BEGAIN: variants seen among roughly 807,000 people sequenced by gnomAD.
The protein encoded by BEGAIN is brain enriched guanylate kinase associated.
BEGAIN carries 19 observed loss-of-function variants against 35.8 expected under a neutral mutation model. The ratio of observed to expected loss-of-function variants is 0.53; its 90% confidence interval spans 0.37 to 0.78. The LOEUF (loss-of-function observed/expected upper bound fraction) is 0.78. Ranked by LOEUF, BEGAIN falls within the 30% of genes least tolerant of loss-of-function variation. BEGAIN has a pLI of 0.00. For missense variants in BEGAIN, 795 were observed against 853.6 expected, an observed-to-expected ratio of 0.93 and a Z score of 0.85; for synonymous variants, 462 against 388.6, an observed-to-expected ratio of 1.19 and a Z score of -2.22.
intron 1 of BEGAIN, among the ~76,000 whole-genome samples, chr14:100,580,092 G>C (rs1430281542): frequency 6.6e-6 from 1 of 152,174 alleles, no homozygotes; most frequent in East Asian, 1.9e-4. Flanking sequence ...ATCACCTGAG[G>C]TCAGGAGTTC....
At chr14:100,585,543 G>A (rs899628445) in intron 1 of BEGAIN, among the ~76,000 whole-genome samples, 8 of 151,066 alleles carry the variant, frequency 5.3e-5, no homozygotes, top group African/African-American at 2.0e-4. Context: ...GAGATGATGC[G>A]TGGAAATGCT....
intron 3 of BEGAIN, among the ~76,000 whole-genome samples, chr14:100,545,808 C>T (rs1420646999): frequency 2.0e-5 from 3 of 152,170 alleles, no homozygotes; most frequent in African/African-American, 4.8e-5. Context: ...TGGGGCTGTT[C>T]GGAGAGGGAC....
At chr14:100,551,045 G>A (rs1362296042) in intron 2 of BEGAIN, among the ~76,000 whole-genome samples, 3 of 152,204 alleles carry the variant, frequency 2.0e-5, no homozygotes, top group African/African-American at 7.2e-5. Flanking sequence ...GGTTCCTGGC[G>A]TGCAGGATTG....
chr14:100,576,384 G>A (rs2139753386), intron 1 of BEGAIN, among the ~76,000 whole-genome samples: 1 of 152,284 alleles, frequency 6.6e-6, no homozygotes, highest in South Asian at 2.1e-4. Flanking sequence ...CATAATGATG[G>A]CGCCGACCTC....
At chr14:100,543,139 G>T (rs1378675848) in intron 5 of BEGAIN, among the ~76,000 whole-genome samples, 1 of 152,194 alleles carries the variant, frequency 6.6e-6, no homozygotes, top group Non-Finnish European at 1.5e-5. Flanking sequence ...TGGCACAGCA[G>T]CCCCTTCCAG....
intron 3 of BEGAIN, 162 bp downstream of exon 3, chr14:100,546,334 GCCCCA>G: frequency 2.1e-6 from 1 of 469,754 alleles, no homozygotes; most frequent in Non-Finnish European, 3.1e-6. Flanking sequence ...CTCGGGCCCT[GCCCCA>G]CCCCGGCCCT....
At chr14:100,574,548 G>A (rs1391967207) in intron 1 of BEGAIN, among the ~76,000 whole-genome samples, 1 of 135,822 alleles carries the variant, frequency 7.4e-6, no homozygotes, top group African/African-American at 2.7e-5. Context: ...TTAAACATTT[G>A]AGCCAACATT....
chr14:100,549,498 C>T (rs1298530380), intron 2 of BEGAIN: 1 of 152,468 alleles, frequency 6.6e-6, no homozygotes, highest in African/African-American at 2.4e-5. Context: ...CTTCTCACAC[C>T]TCTGAACGTG....
intron 2 of BEGAIN, among the ~76,000 whole-genome samples, chr14:100,565,539 T>G (rs2034616858): frequency 6.6e-6 from 1 of 151,942 alleles, no homozygotes; most frequent in Non-Finnish European, 1.5e-5. Context: ...CTGGGGGGTG[T>G]GGGAGAGGAG....
In BEGAIN at chr14:100,568,684, G is replaced by C. The variant is rs1320885683; in HGVS notation, c.43-745C>G. On this transcript the variant is annotated intron_variant, in intron 1 of 6. Coordinates refer to ENST00000554140, the MANE Select transcript of BEGAIN (RefSeq NM_001385089.1). This position sits in a 1 kb window ranked among gnomAD's most constrained non-coding sequence, Gnocchi z 7.5. Reference sequence around the variant, plus strand: ...AGCCCCTCCGCGCGCCGGGCAGGGGGACCCACCCGCCGCCGTTAACCTTGT... The same window carrying C: ...AGCCCCTCCGCGCGCCGGGCAGGGGCACCCACCCGCCGCCGTTAACCTTGT... 3.3e-5 allele frequency among the ~76,000 whole-genome samples: 5 copies of C among 151,570 alleles called. No individual in the cohort carries two copies. The highest frequency in any genetic ancestry group is 6.6e-5 in the Admixed American group (1 of 15,256).
rs1042586552 is a variant in BEGAIN at position 100,586,477 on chromosome 14, C to T, written c.42+772G>A. Among the ~76,000 whole-genome samples, 18 of 152,290 alleles carry T rather than the reference C, an allele frequency of 1.2e-4. No homozygotes were observed. Among genetic ancestry groups the T allele is most frequent in the African/African-American group, 3.6e-4 (15 of 41,576 alleles). ...ACTCCAGCGCGTCGCCCACGCTGTT[C>T]CTGCCCTGAGGAAACCACATTGGGG... On this transcript the variant is annotated intron_variant, in intron 1 of 6. Coordinates refer to ENST00000554140, the MANE Select transcript of BEGAIN (RefSeq NM_001385089.1). This position sits in a 1 kb window ranked among gnomAD's most constrained non-coding sequence, Gnocchi z 4.9.
At chr14:100,544,944 C>T in intron 4 of BEGAIN, 56 bp downstream of exon 4, 1 of 1,575,766 alleles carries the variant, frequency 6.3e-7, no homozygotes, top group Admixed American at 1.7e-5. Flanking sequence ...AGCTGGGTGG[C>T]TCCCCCCGGG....
Position 100,546,639 on chromosome 14 carries a change from T to TCGCCCTTCTGCTCCTGCAGCG in BEGAIN, c.74_94dup (p.Ala25_Gly31dup). 6.4e-7 allele frequency: 1 copy of TCGCCCTTCTGCTCCTGCAGCG among 1,570,044 alleles called. No individual in the cohort carries two copies. The highest frequency in any genetic ancestry group is 8.6e-7 in the Non-Finnish European group (1 of 1,163,332). ...GGTGTAGGACAGCCGCTTGCGCAGC[T>TCGCCCTTCTGCTCCTGCAGCG]CGCCCTTCTGCTCCTGCAGCGCGCT... On this transcript the variant is annotated inframe_insertion, in exon 3 of 7. Coordinates refer to ENST00000554140, the MANE Select transcript of BEGAIN (RefSeq NM_001385089.1).
intron 5 of BEGAIN, 65 bp from the exon 6 acceptor site, chr14:100,540,644 C>A: frequency 7.8e-7 from 1 of 1,284,598 alleles, no homozygotes; most frequent in Non-Finnish European, 1.1e-6. Context: ...CCCTGACCAG[C>A]GCCAAGTGGC....
chr14:100,538,510 A>T lies in BEGAIN; in HGVS notation c.1298T>A (p.Met433Lys). 6.5e-7 allele frequency: 1 copy of T among 1,530,130 alleles called. No individual in the cohort carries two copies. Among genetic ancestry groups the T allele is most frequent in the Non-Finnish European group, 8.7e-7 (1 of 1,142,960 alleles). 94.8% of individuals were successfully genotyped at this position (1,530,130 alleles called of 1,614,324 possible). A position where few individuals can be genotyped will look rare whatever the true frequency, so the allele number is the denominator to read the frequency against. ...PGTARLPGEDMRGQWRPLSVE... is the reference protein window; with the variant it reads ...PGTARLPGEDKRGQWRPLSVE... Reference sequence around the variant, plus strand: ...GCTCAGGGGACGCCACTGGCCCCTCATGTCCTCCCCGGGGAGCCGGGCGGT... The same window carrying T: ...GCTCAGGGGACGCCACTGGCCCCTCTTGTCCTCCCCGGGGAGCCGGGCGGT... Residue 433 changes from methionine to lysine, a missense_variant, in exon 7 of 7, where the codon ATG (methionine) becomes AAG (lysine). Met to Lys is a moderately conservative substitution (Grantham distance 95). Transcript: ENST00000554140.
At position 100,567,219 on chromosome 14, in the gene BEGAIN, A is replaced by T. The variant is rs2034763711; in HGVS notation, c.71+692T>A. 6.6e-6 allele frequency among the ~76,000 whole-genome samples: 1 copy of T among 152,138 alleles called. No homozygotes were observed. Among genetic ancestry groups the T allele is most frequent in the Non-Finnish European group, 1.5e-5 (1 of 68,002 alleles). ...AAGTAGGGGTCAGGGTGCCAGGGGA[A>T]GTCGTGGAGGAAGTGGCAAATATTC... is the stretch of plus-strand genomic sequence containing the variant. On this transcript the variant is annotated intron_variant, in intron 2 of 6. Coordinates refer to ENST00000554140, the MANE Select transcript of BEGAIN (RefSeq NM_001385089.1). The surrounding 1 kb of genome is among the most constrained non-coding windows in gnomAD (Gnocchi z 5.1).
At chr14:100,546,693 C>T in intron 2 of BEGAIN, 31 bp from the exon 3 acceptor site, 7 of 1,536,800 alleles carry the variant, frequency 4.6e-6, no homozygotes, top group South Asian at 3.5e-5. Context: ...CGGGCCGGGC[C>T]GCGGCGCTGA....
chr14:100,568,082 T>C lies in BEGAIN; in HGVS notation c.43-143A>G, dbSNP rs58030748. On this transcript the variant is annotated intron_variant, in intron 1 of 6. Transcript: ENST00000554140. The surrounding 1 kb of genome is among the most constrained non-coding windows in gnomAD (Gnocchi z 7.5). ...AAGCCCGGCGCCGCGCGTCCCCAGCTTCCAGTCCCGGCCGCGGCCCCCGTG... is the reference window on the plus strand; with the variant it reads ...AAGCCCGGCGCCGCGCGTCCCCAGCCTCCAGTCCCGGCCGCGGCCCCCGTG... 0.44 allele frequency: 469,631 copies of C among 1,066,938 alleles called. 109,003 individuals are homozygous for C. Among genetic ancestry groups the C allele is most frequent in the African/African-American group, 0.82 (47,829 of 58,540 alleles). 66.1% of individuals were successfully genotyped at this position (1,066,938 alleles called of 1,614,324 possible). A position where few individuals can be genotyped will look rare whatever the true frequency, so the allele number is the denominator to read the frequency against.
chr14:100,586,460 G>A lies in BEGAIN; in HGVS notation c.42+789C>T, dbSNP rs1176165166. Among the ~76,000 whole-genome samples the A allele has an allele frequency of 2.6e-5, 4 of 152,296 alleles. No homozygotes were observed. The highest frequency in any genetic ancestry group is 9.6e-5 in the African/African-American group (4 of 41,576). On this transcript the variant is annotated intron_variant, in intron 1 of 6. Transcript: ENST00000554140. The surrounding 1 kb of genome is among the most constrained non-coding windows in gnomAD (Gnocchi z 4.9). Reference sequence around the variant, plus strand: ...TTCTGCCGGCTCAGGAGACTCCAGCGCGTCGCCCACGCTGTTCCTGCCCTG... The same window carrying A: ...TTCTGCCGGCTCAGGAGACTCCAGCACGTCGCCCACGCTGTTCCTGCCCTG...
Sources: gnomAD v4.1 joint callset for allele counts (sites outside exome capture counted in the v4.1 genomes callset) on GRCh38, gnomAD v4.1.1 for gene constraint, Gnocchi (gnomAD v3.1) non-coding constraint, MANE v1.5 for transcripts, NCBI Gene and HGNC (gene_info 2026-07-23, HGNC 2026-07-21) for gene names.